ZC3H12B: variants seen among roughly 807,000 people sequenced by gnomAD.
ZC3H12B encodes the protein zinc finger CCCH-type containing 12B.
In ZC3H12B, 7 loss-of-function variants were observed where a neutral mutation model predicts 43.9. That is an observed-to-expected ratio of 0.16 (90% CI 0.09 to 0.30). The LOEUF is 0.30. Among genes scored for constraint, ZC3H12B ranks in the 10% least tolerant of loss-of-function variants. The pLI is 1.00. For synonymous variants in ZC3H12B, 222 were observed against 241.7 expected (o/e 0.92, Z 0.76); for missense variants, 475 against 670.2 (o/e 0.71, Z 3.22).
the ZC3H12B span, among the ~76,000 whole-genome samples, chrX:65,260,588 G>C: frequency 7.2e-5 from 8 of 111,796 alleles, no homozygotes; most frequent in African/African-American, 2.6e-4. Context: ...AAAAGACAAA[G>C]AATAACAGAT....
At chrX:65,189,899 T>C in the ZC3H12B span, among the ~76,000 whole-genome samples, 1 of 108,520 alleles carries the variant, frequency 9.2e-6, no homozygotes, top group Admixed American at 9.7e-5. Context: ...TGGTAATGCC[T>C]AGATTTTCTT....
chrX:65,284,576 A>C, the ZC3H12B span, among the ~76,000 whole-genome samples: 9 of 111,356 alleles, frequency 8.1e-5, no homozygotes, highest in Non-Finnish European at 1.1e-4. Context: ...AGCCTGGCCA[A>C]CATGGTGAAA....
At chrX:65,306,357 C>T in the ZC3H12B span, among the ~76,000 whole-genome samples, 744 of 111,601 alleles carry the variant, frequency 6.7e-3, 13 homozygotes, top group African/African-American at 0.023. Context: ...AGCCATTCCA[C>T]TCTTAGATTT....
chrX:65,357,234 G>T, the ZC3H12B span: 1 of 375,978 alleles, frequency 2.7e-6, no homozygotes. Context: ...AGAATATCCA[G>T]GCAGTTTGCA....
the ZC3H12B span, among the ~76,000 whole-genome samples, chrX:65,072,138 G>A: frequency 8.9e-6 from 1 of 111,878 alleles, no homozygotes; most frequent in Non-Finnish European, 1.9e-5. Context: ...CAGAGGTTTT[G>A]TTCATTCCTT....
At chrX:65,096,559 G>A in the ZC3H12B span, among the ~76,000 whole-genome samples, 1 of 111,494 alleles carries the variant, frequency 9.0e-6, no homozygotes, top group African/African-American at 3.3e-5. Flanking sequence ...GTTGAGAAAA[G>A]ACATTCTGAG....
chrX:65,038,862 A>G, the ZC3H12B span, among the ~76,000 whole-genome samples: 1 of 111,748 alleles, frequency 8.9e-6, no homozygotes, highest in African/African-American at 3.3e-5. Flanking sequence ...TAAAAGAATT[A>G]CCATATGCTA....
chrX:65,395,104 T>G (rs759296837), intron 2 of ZC3H12B, among the ~76,000 whole-genome samples: 16 of 112,212 alleles, frequency 1.4e-4, no homozygotes, highest in South Asian at 3.7e-4. Flanking sequence ...AAGGAGTTTT[T>G]GGGCTGAGAT....
the ZC3H12B span, among the ~76,000 whole-genome samples, chrX:65,155,900 C>T: frequency 9.2e-6 from 1 of 109,263 alleles, no homozygotes; most frequent in Non-Finnish European, 1.9e-5. Flanking sequence ...TTCCTGTATT[C>T]TAGAAGAGTA....
the ZC3H12B span, among the ~76,000 whole-genome samples, chrX:65,311,785 AC>A: frequency 8.9e-6 from 1 of 112,050 alleles, no homozygotes; most frequent in East Asian, 2.8e-4. Context: ...GAAATGTGGC[AC>A]ATATACACCA....
At chrX:65,321,292 A>G in the ZC3H12B span, among the ~76,000 whole-genome samples, 2 of 112,424 alleles carry the variant, frequency 1.8e-5, no homozygotes, top group Non-Finnish European at 3.8e-5. Flanking sequence ...AAACAAATGA[A>G]AACGAAAAAT....
At chrX:65,227,518 G>C in the ZC3H12B span, among the ~76,000 whole-genome samples, 1 of 110,453 alleles carries the variant, frequency 9.1e-6, no homozygotes, top group Non-Finnish European at 1.9e-5. Flanking sequence ...CAGAAGGCAA[G>C]AAATAACTAA....
At chrX:65,052,541 C>T in the ZC3H12B span, among the ~76,000 whole-genome samples, 1 of 111,190 alleles carries the variant, frequency 9.0e-6, no homozygotes, top group Non-Finnish European at 1.9e-5. Flanking sequence ...GTTTGTCTTT[C>T]TGTGCCTGGC....
chrX:65,128,111 T>G, the ZC3H12B span, among the ~76,000 whole-genome samples: 1 of 112,264 alleles, frequency 8.9e-6, no homozygotes, highest in Admixed American at 9.4e-5. Context: ...AGTCTCCACA[T>G]GCTGCTTTGT....
chrX:65,042,405 G>A, the ZC3H12B span, among the ~76,000 whole-genome samples: 1 of 112,000 alleles, frequency 8.9e-6, no homozygotes, highest in Non-Finnish European at 1.9e-5. Flanking sequence ...TTAGTAATCT[G>A]TGCTAACAGG....
the ZC3H12B span, among the ~76,000 whole-genome samples, chrX:65,236,731 T>A: frequency 1.8e-5 from 2 of 112,226 alleles, no homozygotes; most frequent in Non-Finnish European, 3.8e-5. Flanking sequence ...GTATAAGATG[T>A]TAGGAAGGCT....
the ZC3H12B span, among the ~76,000 whole-genome samples, chrX:65,046,179 A>G: frequency 2.7e-5 from 3 of 111,839 alleles, no homozygotes; most frequent in Admixed American, 9.5e-5. Flanking sequence ...ACATTAGCCC[A>G]TAACAGGAGA....
chrX:65,410,312 A>G (rs1178972326), intron 3 of ZC3H12B, among the ~76,000 whole-genome samples: 1 of 111,762 alleles, frequency 8.9e-6, no homozygotes, highest in African/African-American at 3.2e-5. Context: ...CAAAAGTCAA[A>G]TCCACATTGA....
chrX:65,056,564 C>A, the ZC3H12B span, among the ~76,000 whole-genome samples: 71 of 111,723 alleles, frequency 6.4e-4, 1 homozygote, highest in East Asian at 0.019. Flanking sequence ...AATGTATATT[C>A]TGTTGATTTG....
Sources: gnomAD v4.1 joint callset for allele counts (sites outside exome capture counted in the v4.1 genomes callset) on GRCh38, gnomAD v4.1.1 for gene constraint, MANE v1.5 for transcripts, NCBI Gene and HGNC (gene_info 2026-07-23, HGNC 2026-07-21) for gene names.